The following ITPK1 variants were observed in gnomAD, a reference collection of about 807,000 sequenced individuals.
ITPK1 encodes inositol 1,3,4-trisphosphate 5/6-kinase.
ITPK1 carries 21 observed loss-of-function variants against 45.3 expected under a neutral mutation model. The ratio of observed to expected loss-of-function variants is 0.46; its 90% CI spans 0.33 to 0.67. The LOEUF (loss-of-function observed/expected upper bound fraction) is 0.67, where lower values mean the gene tolerates loss of function less well. ITPK1 is among the 30% of genes least tolerant of loss of function. The probability of loss-of-function intolerance (pLI) is 0.02; values close to 1 mark genes in which losing one functional copy is unlikely to be tolerated. For synonymous variants in ITPK1, 258 were observed against 253.6 expected, an observed-to-expected ratio of 1.02 and a Z score of -0.16; for missense variants, 474 against 573.5, an observed-to-expected ratio of 0.83 and a Z score of 1.77.
Position 92,994,017 on chromosome 14 carries a change from C to A in ITPK1, c.247-20G>T. On this transcript the variant is annotated intron_variant, in intron 4 of 10. Coordinates refer to ENST00000267615, the MANE Select transcript of ITPK1 (RefSeq NM_014216.6). ...GTACTCCTGAAAGGGAAGCATGCTG[C>A]TCTGGTTAGAGCAGGGGTAGGGCCA... 2 of 1,549,814 alleles carry A rather than the reference C, an allele frequency of 1.3e-6. No homozygotes were observed. The highest frequency in any genetic ancestry group is 1.8e-6 in the Non-Finnish European group (2 of 1,121,364).
intron 2 of ITPK1, among the ~76,000 whole-genome samples, chr14:93,089,201 C>G (rs768718720): frequency 6.6e-6 from 1 of 152,194 alleles, no homozygotes; most frequent in South Asian, 2.1e-4. Context: ...TGAGGAGCAG[C>G]CCCTGAGCAG....
intron 5 of ITPK1, among the ~76,000 whole-genome samples, chr14:92,991,098 T>C (rs1381231522): frequency 1.3e-5 from 2 of 152,152 alleles, no homozygotes; most frequent in African/African-American, 4.8e-5. Flanking sequence ...TGTCACTGGA[T>C]TGCTGTGATT....
At chr14:92,965,198 A>T (rs74813366) in intron 5 of ITPK1, among the ~76,000 whole-genome samples, 1 of 152,248 alleles carries the variant, frequency 6.6e-6, no homozygotes, top group Admixed American at 6.5e-5. Flanking sequence ...GGCAAACCTC[A>T]TAACAATAGC....
intron 3 of ITPK1, among the ~76,000 whole-genome samples, chr14:93,027,542 G>A (rs1462205856): frequency 6.6e-6 from 1 of 152,086 alleles, no homozygotes; most frequent in Non-Finnish European, 1.5e-5. Context: ...AGCTGGGAGG[G>A]GGCCAGGGAG....
At chr14:93,093,529 A>G (rs911763228) in intron 2 of ITPK1, among the ~76,000 whole-genome samples, 7 of 152,010 alleles carry the variant, frequency 4.6e-5, no homozygotes, top group African/African-American at 1.7e-4. Context: ...GCTGAGGTCA[A>G]CAGGTTCCCT....
chr14:92,976,605 T>C (rs1403767901), intron 5 of ITPK1, among the ~76,000 whole-genome samples: 2 of 152,252 alleles, frequency 1.3e-5, no homozygotes, highest in Non-Finnish European at 2.9e-5. Context: ...ACACAGCATA[T>C]GCAGGGCTTA....
intron 2 of ITPK1, among the ~76,000 whole-genome samples, chr14:93,087,893 T>C (rs994617131): frequency 6.6e-6 from 1 of 152,124 alleles, no homozygotes; most frequent in Non-Finnish European, 1.5e-5. Context: ...CTGATGGGAA[T>C]GGCGGGAAAG....
At chr14:93,006,021 G>A (rs1887596381) in intron 4 of ITPK1, among the ~76,000 whole-genome samples, 1 of 152,224 alleles carries the variant, frequency 6.6e-6, no homozygotes, top group South Asian at 2.1e-4. Context: ...AAAGGCTCCA[G>A]GCCACTGGAA....
rs563855426 is a variant in ITPK1 at position 92,942,923 on chromosome 14, C to A, written c.902-1019G>T. Among the ~76,000 whole-genome samples the A allele has an allele frequency of 4.6e-5, 7 of 152,370 alleles. No individual in the cohort carries two copies. The South Asian group carries it at 1.4e-3, about 32-fold the overall frequency. Reference sequence around the variant, plus strand: ...ACAACATTTACAACCATCAGCCCCACCAGGGTGGGAATGAAGGTTCAGACG... The same window carrying A: ...ACAACATTTACAACCATCAGCCCCAACAGGGTGGGAATGAAGGTTCAGACG... On this transcript the variant is annotated intron_variant, in intron 10 of 10. Transcript: ENST00000267615.
chr14:93,106,133 T>G (rs1325500898), intron 2 of ITPK1, among the ~76,000 whole-genome samples: 3 of 152,018 alleles, frequency 2.0e-5, no homozygotes, highest in African/African-American at 7.2e-5. Context: ...CCTAACCTGA[T>G]TCTTGAGAAA....
chr14:93,111,734 AAG>A (rs1240908134), intron 2 of ITPK1, among the ~76,000 whole-genome samples: 1 of 151,490 alleles, frequency 6.6e-6, no homozygotes, highest in African/African-American at 2.4e-5. Context: ...AAAAGCCACA[AAG>A]AGGGGGTGGT....
chr14:92,979,766 C>A (rs893202672), intron 5 of ITPK1, among the ~76,000 whole-genome samples: 2 of 151,800 alleles, frequency 1.3e-5, no homozygotes, highest in Non-Finnish European at 2.9e-5. Flanking sequence ...AATTAAACCT[C>A]TTCATAATTT....
chr14:93,009,502 G>A (rs1436099728), intron 4 of ITPK1, among the ~76,000 whole-genome samples: 1 of 152,212 alleles, frequency 6.6e-6, no homozygotes, highest in Non-Finnish European at 1.5e-5. Context: ...TTCCACAAGG[G>A]GAAGCAACTG....
chr14:92,956,430 C>A (rs1884731040), intron 8 of ITPK1, among the ~76,000 whole-genome samples: 1 of 151,964 alleles, frequency 6.6e-6, no homozygotes, highest in East Asian at 1.9e-4. Context: ...CACGTCTGGT[C>A]TCCTGGTATG....
At chr14:92,944,059 C>T (rs564420189) in intron 10 of ITPK1, among the ~76,000 whole-genome samples, 4 of 152,318 alleles carry the variant, frequency 2.6e-5, no homozygotes, top group South Asian at 2.1e-4. Context: ...CTCGTGAGGA[C>T]GAAGTGAGGC....
At chr14:92,997,887 C>A (rs75375697) in intron 4 of ITPK1, among the ~76,000 whole-genome samples, 4,171 of 152,266 alleles carry the variant, frequency 0.027, 193 homozygotes, top group African/African-American at 0.095. Flanking sequence ...AGGCCCCAAG[C>A]CCATGGAATG....
chr14:92,979,779 T>C (rs1886126277), intron 5 of ITPK1, among the ~76,000 whole-genome samples: 1 of 152,052 alleles, frequency 6.6e-6, no homozygotes, highest in Admixed American at 6.5e-5. Context: ...CATAATTTCT[T>C]CATAAATTAC....
rs919048801 is a variant in ITPK1, at chr14:92,937,336, T to G, written c.*4225A>C. On this transcript the variant is annotated 3_prime_UTR_variant, in exon 11 of 11. Coordinates refer to ENST00000267615, the MANE Select transcript of ITPK1 (RefSeq NM_014216.6). ...CAGGAACAGCAACATCCTGGTGAAA[T>G]CCCTGTGAGTGGCTTTTCAGAGTGA... 1.3e-5 allele frequency: 2 copies of G among 152,190 alleles called. No homozygotes were observed. Among genetic ancestry groups the G allele is most frequent in the Non-Finnish European group, 2.9e-5 (2 of 68,034 alleles). The allele number at this position is 152,190 out of a possible 1,614,324, so 9.4% of individuals were successfully genotyped here. A position where few individuals can be genotyped will look rare whatever the true frequency, so the allele number is the denominator to read the frequency against.
intron 3 of ITPK1, among the ~76,000 whole-genome samples, chr14:93,018,285 T>C (rs1230518060): frequency 2.0e-5 from 3 of 152,124 alleles, no homozygotes; most frequent in Non-Finnish European, 2.9e-5. Flanking sequence ...GCCTCCCCTA[T>C]GGCTCCAGGT....
Sources: allele counts gnomAD v4.1 joint callset (sites outside exome capture counted in the v4.1 genomes callset), GRCh38; gene constraint gnomAD v4.1.1; transcripts MANE v1.5; gene names NCBI Gene and HGNC (gene_info 2026-07-23, HGNC 2026-07-21).